The following ZNF678 variants were observed in gnomAD, a reference collection of about 807,000 sequenced individuals.
ZNF678 encodes zinc finger protein 678.
ZNF678 carries 5 observed loss-of-function variants against 3.0 expected under a neutral mutation model. The ratio of observed to expected loss-of-function variants is 1.69; its 90% CI spans 0.88 to 3.56. The LOEUF is 3.56. ZNF678 is among the 30% of genes most tolerant of loss of function. The pLI, the probability that ZNF678 is intolerant of heterozygous loss-of-function variation, is 0.00. For synonymous variants in ZNF678, 218 were observed against 199.6 expected (o/e 1.09, Z -0.78); for missense variants, 593 against 605.0 (o/e 0.98, Z 0.21).
At chr1:227,597,517 A>G (rs1441017743) in intron 1 of ZNF678, among the ~76,000 whole-genome samples, 2 of 152,226 alleles carry the variant, frequency 1.3e-5, no homozygotes, top group Non-Finnish European at 2.9e-5. Context: ...ACCAGTGTCT[A>G]TTTAAAATAA....
intron 1 of ZNF678, among the ~76,000 whole-genome samples, chr1:227,625,576 G>T (rs1658391192): frequency 6.6e-6 from 1 of 152,190 alleles, no homozygotes; most frequent in South Asian, 2.1e-4. Flanking sequence ...GGATTGAAAT[G>T]TATGGCCTGA....
chr1:227,651,318 G>A (rs1659087812), intron 3 of ZNF678, among the ~76,000 whole-genome samples: 1 of 152,162 alleles, frequency 6.6e-6, no homozygotes, highest in Admixed American at 6.5e-5. Context: ...GTGTTTGTAT[G>A]TGTGTGGCTC....
intron 1 of ZNF678, among the ~76,000 whole-genome samples, chr1:227,633,838 G>T (rs577931494): frequency 1.3e-5 from 2 of 152,130 alleles, no homozygotes; most frequent in South Asian, 4.1e-4. Flanking sequence ...GCTGAACTGG[G>T]CCCAGAGCCA....
intron 2 of ZNF678, among the ~76,000 whole-genome samples, chr1:227,648,353 CTT>C (rs1659008838): frequency 1.3e-5 from 2 of 152,108 alleles, no homozygotes; most frequent in Admixed American, 1.3e-4. Flanking sequence ...TGTAACAACT[CTT>C]TTACAAATAA....
At position 227,604,472 on chromosome 1, in the gene ZNF678, A is replaced by G. The variant is rs972191754; in HGVS notation, c.-164+40748A>G. Among the ~76,000 whole-genome samples, 4 of 152,126 alleles carry G rather than the reference A, an allele frequency of 2.6e-5. No homozygotes were observed. In the South Asian group the frequency reaches 8.3e-4, roughly 32 times the overall value. ...ATGCTTATGGCTCACTGCTGCCTCC[A>G]CCTCCCAATCTCAAATGATCTTCCT... On this transcript the variant is annotated intron_variant, in intron 1 of 3. Coordinates refer to ENST00000343776, the MANE Select transcript of ZNF678 (RefSeq NM_001367909.1).
chr1:227,572,486 C>T lies in ZNF678; in HGVS notation c.-164+8762C>T, dbSNP rs551497469. Reference sequence around the variant, plus strand: ...CTTGATACACTGCCTGCCAGAAATGCAATTGTAGCAAAGGAGGTCGGTAAG... The same window carrying T: ...CTTGATACACTGCCTGCCAGAAATGTAATTGTAGCAAAGGAGGTCGGTAAG... On this transcript the variant is annotated intron_variant, in intron 1 of 3. Coordinates refer to ENST00000343776, the MANE Select transcript of ZNF678 (RefSeq NM_001367909.1). Among the ~76,000 whole-genome samples the T allele has an allele frequency of 7.2e-5, 11 of 152,298 alleles. No individual in the cohort carries two copies. The South Asian group carries it at 2.3e-3, about 32-fold the overall frequency.
At chr1:227,640,232 A>G (rs1227601543) in intron 1 of ZNF678, among the ~76,000 whole-genome samples, 1 of 152,174 alleles carries the variant, frequency 6.6e-6, no homozygotes, top group Non-Finnish European at 1.5e-5. Context: ...GAGAATGAGT[A>G]CAGGCAATGC....
At chr1:227,605,069 A>G (rs1657830923) in intron 1 of ZNF678, among the ~76,000 whole-genome samples, 1 of 152,102 alleles carries the variant, frequency 6.6e-6, no homozygotes, top group African/African-American at 2.4e-5. Flanking sequence ...GTTAGCCAGG[A>G]TGGTTTCGAG....
intron 1 of ZNF678, among the ~76,000 whole-genome samples, chr1:227,622,371 T>C (rs1373046005): frequency 6.6e-6 from 1 of 152,240 alleles, no homozygotes; most frequent in Non-Finnish European, 1.5e-5. Flanking sequence ...ATGCATACTT[T>C]ACATGTATTG....
intron 5 of ZNF678, among the ~76,000 whole-genome samples, chr1:227,672,142 G>A (rs181378606): frequency 3.3e-5 from 5 of 152,326 alleles, no homozygotes; most frequent in Admixed American, 1.3e-4. Context: ...GGGCTTTGAT[G>A]TACAGGCTTA....
At chr1:227,625,149 A>G (rs1401376328) in intron 1 of ZNF678, among the ~76,000 whole-genome samples, 4 of 152,096 alleles carry the variant, frequency 2.6e-5, no homozygotes, top group Non-Finnish European at 5.9e-5. Context: ...AGCTCTCTTT[A>G]CTACCTAATT....
chr1:227,587,169 T>G (rs1264823258), intron 1 of ZNF678, among the ~76,000 whole-genome samples: 1 of 152,182 alleles, frequency 6.6e-6, no homozygotes, highest in East Asian at 1.9e-4. Flanking sequence ...TTTGCCAGAA[T>G]ATGAAAAAGT....
At chr1:227,628,564 G>A (rs1397497583) in intron 1 of ZNF678, among the ~76,000 whole-genome samples, 1 of 152,240 alleles carries the variant, frequency 6.6e-6, no homozygotes, top group Non-Finnish European at 1.5e-5. Context: ...GGATAAGCCA[G>A]TATAGGCTGG....
intron 1 of ZNF678, among the ~76,000 whole-genome samples, chr1:227,635,949 C>T (rs1265218932): frequency 6.6e-6 from 1 of 152,094 alleles, no homozygotes; most frequent in Non-Finnish European, 1.5e-5. Flanking sequence ...ATAACTACTT[C>T]AGGCGTGACA....
At chr1:227,618,650 G>C (rs1386949309) in intron 1 of ZNF678, among the ~76,000 whole-genome samples, 1 of 152,176 alleles carries the variant, frequency 6.6e-6, no homozygotes, top group Non-Finnish European at 1.5e-5. Flanking sequence ...GAGAGTATGT[G>C]TCTGGCTTTT....
intron 1 of ZNF678, among the ~76,000 whole-genome samples, chr1:227,590,813 A>G (rs1186718927): frequency 6.6e-6 from 1 of 151,628 alleles, no homozygotes; most frequent in Admixed American, 6.6e-5. Flanking sequence ...GCAGCTTTGG[A>G]AATTTACTCT....
chr1:227,637,318 C>T (rs1369587972), intron 1 of ZNF678, among the ~76,000 whole-genome samples: 5 of 152,112 alleles, frequency 3.3e-5, no homozygotes, highest in Admixed American at 2.6e-4. Context: ...TTGGAGGAGC[C>T]GTGAGGCAGA....
intron 5 of ZNF678, among the ~76,000 whole-genome samples, chr1:227,671,714 A>G (rs902091123): frequency 3.3e-5 from 5 of 152,196 alleles, no homozygotes; most frequent in South Asian, 2.1e-4. Context: ...TATGACTCCA[A>G]TCTACCTTTT....
intron 3 of ZNF678, among the ~76,000 whole-genome samples, chr1:227,653,679 C>T (rs908696287): frequency 2.0e-5 from 3 of 152,182 alleles, no homozygotes; most frequent in South Asian, 4.1e-4. Flanking sequence ...TTCTTATGAT[C>T]TGTCTTCTCT....
Sources: allele counts gnomAD v4.1 joint callset (sites outside exome capture counted in the v4.1 genomes callset), GRCh38; gene constraint gnomAD v4.1.1; transcripts MANE v1.5; gene names NCBI Gene and HGNC (gene_info 2026-07-23, HGNC 2026-07-21).